Variants in SUDS3 observed in about 807,000 individuals in gnomAD.
SUDS3 encodes the protein sin3 histone deacetylase corepressor complex component SDS3.
A neutral mutation model predicts 53.5 loss-of-function variants in SUDS3; 23 were observed. The ratio of observed to expected loss-of-function variants is 0.43; its 90% CI spans 0.31 to 0.61. SUDS3 has a LOEUF of 0.61. Among genes scored for constraint, SUDS3 ranks in the 20% least tolerant of loss-of-function variants. The pLI is 0.10. For missense variants in SUDS3, 291 were observed against 405.9 expected, an observed-to-expected ratio of 0.72 and a Z score of 2.43; for synonymous variants, 150 against 148.5, an observed-to-expected ratio of 1.01 and a Z score of -0.08.
At chr12:118,386,850 T>C (rs951465690) in intron 4 of SUDS3, among the ~76,000 whole-genome samples, 2 of 152,222 alleles carry the variant, frequency 1.3e-5, no homozygotes, top group Non-Finnish European at 2.9e-5. Context: ...AAGTAAGATG[T>C]GACAACTGTT....
intron 10 of SUDS3, among the ~76,000 whole-genome samples, chr12:118,408,663 AG>A (rs971826780): frequency 3.3e-5 from 5 of 151,546 alleles, no homozygotes; most frequent in African/African-American, 1.2e-4. Context: ...TCATAAACAC[AG>A]GAACATAGTT....
intron 6 of SUDS3, among the ~76,000 whole-genome samples, chr12:118,396,282 G>T (rs1056004028): frequency 6.6e-6 from 1 of 152,082 alleles, no homozygotes; most frequent in Admixed American, 6.5e-5. Flanking sequence ...TTGAGACGGG[G>T]TCTTGCTCTG....
chr12:118,413,756 A>G (rs542500142), intron 11 of SUDS3, among the ~76,000 whole-genome samples: 4 of 152,298 alleles, frequency 2.6e-5, no homozygotes, highest in Admixed American at 2.6e-4. Context: ...AGAGGGGGAT[A>G]TGGTGAGGAG....
At chr12:118,409,835 G>C (rs1032376723) in intron 10 of SUDS3, among the ~76,000 whole-genome samples, 1 of 152,266 alleles carries the variant, frequency 6.6e-6, no homozygotes, top group African/African-American at 2.4e-5. Flanking sequence ...CCTTCATCCT[G>C]TGGCAGCTGC....
rs1438263723 is a variant in SUDS3 at position 118,389,908 on chromosome 12, C to T, written c.341-19C>T. 6.2e-7 allele frequency: 1 copy of T among 1,613,988 alleles called. No individual in the cohort carries two copies. The highest frequency in any genetic ancestry group is 8.5e-7 in the Non-Finnish European group (1 of 1,179,858). On this transcript the variant is annotated intron_variant, in intron 4 of 11. Coordinates refer to ENST00000543473, the MANE Select transcript of SUDS3 (RefSeq NM_022491.3). ...TGGCACAGCCTAGCAAATCTAATTGCACTTTTTATCTCTTGCAGAACTCTT... is the reference window on the plus strand; with the variant it reads ...TGGCACAGCCTAGCAAATCTAATTGTACTTTTTATCTCTTGCAGAACTCTT...
In SUDS3 at chr12:118,415,700, GA is replaced by G. The variant is rs1234173063; in HGVS notation, c.*1270del. The G allele has an allele frequency of 1.3e-5, 2 of 152,210 alleles. No individual in the cohort carries two copies. Among genetic ancestry groups the G allele is most frequent in the African/African-American group, 4.8e-5 (2 of 41,528 alleles). 9.4% of individuals were successfully genotyped at this position (152,210 alleles called of 1,614,324 possible). On this transcript the variant is annotated 3_prime_UTR_variant, in exon 12 of 12. Transcript: ENST00000543473. Reference sequence around the variant, plus strand: ...AATCAGTAGAACTTACACATCCTAGGAAATCTTTCTTTGTAAGTAATTCTTT... The same window carrying G: ...AATCAGTAGAACTTACACATCCTAGGAATCTTTCTTTGTAAGTAATTCTTT...
intron 2 of SUDS3, among the ~76,000 whole-genome samples, chr12:118,380,660 C>A (rs7299040): frequency 0.11 from 17,476 of 152,092 alleles, 1,272 homozygotes; most frequent in Middle Eastern, 0.19. Flanking sequence ...GGCAATGGAC[C>A]CAGGGGAGGG....
At chr12:118,392,696 C>T (rs2046178371) in intron 6 of SUDS3, among the ~76,000 whole-genome samples, 1 of 152,198 alleles carries the variant, frequency 6.6e-6, no homozygotes, top group South Asian at 2.1e-4. Context: ...CTGACAGTGG[C>T]TGTGACTGGC....
Position 118,376,582 on chromosome 12 carries a change from G to T in SUDS3, c.-110G>T. 8.1e-7 allele frequency: 1 copy of T among 1,233,684 alleles called. No homozygotes were observed. Among genetic ancestry groups the T allele is most frequent in the Non-Finnish European group, 1.0e-6 (1 of 981,916 alleles). 76.4% of individuals were successfully genotyped at this position (1,233,684 alleles called of 1,614,324 possible). A position where few individuals can be genotyped will look rare whatever the true frequency, so the allele number is the denominator to read the frequency against. On this transcript the variant is annotated 5_prime_UTR_variant, in exon 1 of 12. Coordinates refer to ENST00000543473, the MANE Select transcript of SUDS3 (RefSeq NM_022491.3). ...AGACGGGGAAGGGGTCGCCGTGGCT[G>T]CCGGTCCTCGAGTTGGGGGCTGCCG... is the stretch of plus-strand genomic sequence containing the variant.
intron 2 of SUDS3, among the ~76,000 whole-genome samples, chr12:118,383,645 A>G (rs569327796): frequency 5.3e-4 from 81 of 152,246 alleles, no homozygotes; most frequent in Non-Finnish European, 4.1e-4. Context: ...ATCTAATTGT[A>G]GAGTTGATGT....
rs1344604917 is a variant in SUDS3, at chr12:118,414,496, G to A, written c.*63G>A. On this transcript the variant is annotated 3_prime_UTR_variant, in exon 12 of 12. Coordinates refer to ENST00000543473, the MANE Select transcript of SUDS3 (RefSeq NM_022491.3). Reference sequence around the variant, plus strand: ...GTGGGTTTTATTTTTGTTTTGTTTCGTTTTCTCCTTAATAGAAAAATGTTA... The same window carrying A: ...GTGGGTTTTATTTTTGTTTTGTTTCATTTTCTCCTTAATAGAAAAATGTTA... 3.3e-5 allele frequency: 43 copies of A among 1,308,844 alleles called. 1 individual carries two copies. Among genetic ancestry groups the A allele is most frequent in the Admixed American group, 7.7e-5 (3 of 38,870 alleles). 81.1% of individuals were successfully genotyped at this position (1,308,844 alleles called of 1,614,324 possible). A position where few individuals can be genotyped will look rare whatever the true frequency, so the allele number is the denominator to read the frequency against.
At chr12:118,387,174 G>C (rs1449073585) in intron 4 of SUDS3, among the ~76,000 whole-genome samples, 1 of 152,178 alleles carries the variant, frequency 6.6e-6, no homozygotes, top group Non-Finnish European at 1.5e-5. Flanking sequence ...GCTATTAGCT[G>C]TCTGCCTTTC....
chr12:118,403,549 G>A (rs1344515360), intron 10 of SUDS3, 32 bp downstream of exon 10: 4 of 1,560,826 alleles, frequency 2.6e-6, no homozygotes, highest in East Asian at 2.3e-5. Flanking sequence ...ACTAGTAAGA[G>A]TCTCATATGA....
chr12:118,383,462 A>G (rs1231939291), intron 2 of SUDS3, among the ~76,000 whole-genome samples: 1 of 152,236 alleles, frequency 6.6e-6, no homozygotes, highest in Non-Finnish European at 1.5e-5. Context: ...TGGGGCTGCC[A>G]GTAAATGCTG....
intron 6 of SUDS3, among the ~76,000 whole-genome samples, chr12:118,397,948 A>G (rs2046230723): frequency 6.6e-6 from 1 of 152,116 alleles, no homozygotes; most frequent in Non-Finnish European, 1.5e-5. Flanking sequence ...TTCATGGGCT[A>G]TGTGCTTTTC....
chr12:118,378,027 AC>A lies in SUDS3; in HGVS notation c.142+1195del, dbSNP rs375659073. Reference sequence around the variant, plus strand: ...ATTCGATTTAATTCCATCAGAAGACACGGCTTAACCAGAGATTTTGAATGTG... The same window carrying A: ...ATTCGATTTAATTCCATCAGAAGACAGGCTTAACCAGAGATTTTGAATGTG... On this transcript the variant is annotated intron_variant, in intron 1 of 11. Transcript: ENST00000543473. 4.1e-4 allele frequency among the ~76,000 whole-genome samples: 63 copies of A among 152,364 alleles called. 1 individual carries two copies. In the South Asian group the frequency reaches 8.1e-3, roughly 20 times the overall value.
intron 1 of SUDS3, 139 bp downstream of exon 1, chr12:118,376,972 G>A (rs2046003227): frequency 2.6e-6 from 3 of 1,163,314 alleles, no homozygotes; most frequent in Admixed American, 3.6e-5. Flanking sequence ...TGCGGGGCTC[G>A]GGGAAGTTAC....
intron 1 of SUDS3, 44 bp downstream of exon 1, chr12:118,376,877 C>A: frequency 6.8e-7 from 1 of 1,478,210 alleles, no homozygotes; most frequent in Non-Finnish European, 8.9e-7. Context: ...GGAGGTGGGA[C>A]CGCTGGGGGA....
intron 2 of SUDS3, among the ~76,000 whole-genome samples, chr12:118,383,498 CTAT>C (rs1376580723): frequency 1.3e-5 from 2 of 152,166 alleles, no homozygotes; most frequent in Non-Finnish European, 2.9e-5. Context: ...TTCTGAATTA[CTAT>C]TATTTCTCTG....
Sources: gnomAD v4.1 joint callset for allele counts (sites outside exome capture counted in the v4.1 genomes callset) on GRCh38, gnomAD v4.1.1 for gene constraint, MANE v1.5 for transcripts, NCBI Gene and HGNC (gene_info 2026-07-23, HGNC 2026-07-21) for gene names.